Variants in RBMS3 observed in about 807,000 individuals in gnomAD.
RBMS3 encodes the protein RNA-binding motif, single-stranded-interacting protein 3.
In RBMS3, 27 loss-of-function variants were observed where a neutral mutation model predicts 66.8. The ratio of observed to expected loss-of-function variants is 0.40; its 90% confidence interval spans 0.30 to 0.56. The LOEUF is 0.56. Among genes scored for constraint, RBMS3 ranks in the 20% least tolerant of loss-of-function variants. The pLI, the probability that RBMS3 is intolerant of heterozygous loss-of-function variation, is 0.40. For synonymous variants in RBMS3, 188 were observed against 183.0 expected (o/e 1.03, Z -0.22); for missense variants, 513 against 549.5 (o/e 0.93, Z 0.66).
intron 2 of RBMS3, among the ~76,000 whole-genome samples, chr3:29,482,693 C>CTTTTTTTTTTTTTTTTT (rs1156893161): frequency 1.1e-5 from 1 of 91,748 alleles, no homozygotes; most frequent in African/African-American, 5.1e-5. Flanking sequence ...CATTTTCTTT[C>CTTTTTTTTTTTTTTTTT]TTTCTTTCTT....
At chr3:29,693,465 A>G (rs570425014) in intron 4 of RBMS3, among the ~76,000 whole-genome samples, 1 of 152,124 alleles carries the variant, frequency 6.6e-6, no homozygotes, top group Non-Finnish European at 1.5e-5. Context: ...AAACAGGGGG[A>G]TGGGAAAAGC....
chr3:29,895,986 A>G (rs989308733), intron 8 of RBMS3, among the ~76,000 whole-genome samples: 20 of 151,424 alleles, frequency 1.3e-4, no homozygotes, highest in African/African-American at 4.1e-4. Flanking sequence ...CGTCACAACT[A>G]TAAATTTAAG....
chr3:29,459,284 A>C (rs1284017276), intron 2 of RBMS3, among the ~76,000 whole-genome samples: 1 of 152,208 alleles, frequency 6.6e-6, no homozygotes, highest in Admixed American at 6.5e-5. Context: ...ATAGCATACG[A>C]TTTCATGATA....
intron 1 of RBMS3, among the ~76,000 whole-genome samples, chr3:29,400,669 C>G (rs1245172139): frequency 6.6e-6 from 1 of 151,868 alleles, no homozygotes. Context: ...ATTCTTAAAC[C>G]AGGTGGCATA....
chr3:29,505,421 A>G (rs1320626667), intron 3 of RBMS3, among the ~76,000 whole-genome samples: 1 of 151,008 alleles, frequency 6.6e-6, no homozygotes, highest in Non-Finnish European at 1.5e-5. Flanking sequence ...TCTATGTAAT[A>G]GTTTTTATGC....
At chr3:29,815,514 T>C (rs1336676030) in intron 6 of RBMS3, among the ~76,000 whole-genome samples, 1 of 152,086 alleles carries the variant, frequency 6.6e-6, no homozygotes, top group Non-Finnish European at 1.5e-5. Context: ...TTTTTTATAA[T>C]AGGGTTAAAA....
intron 11 of RBMS3, among the ~76,000 whole-genome samples, chr3:29,941,370 A>G (rs2061390300): frequency 6.9e-6 from 1 of 144,738 alleles, no homozygotes; most frequent in African/African-American, 2.4e-5. Context: ...ATTAAGACAG[A>G]GTTTTAAAAA....
chr3:29,785,361 C>T (rs184867005), intron 6 of RBMS3, among the ~76,000 whole-genome samples: 2 of 152,078 alleles, frequency 1.3e-5, no homozygotes, highest in East Asian at 1.9e-4. Context: ...GATGGTTTAA[C>T]GTATGCAATC....
intron 6 of RBMS3, among the ~76,000 whole-genome samples, chr3:29,807,129 G>C (rs1268340419): frequency 1.3e-5 from 2 of 151,782 alleles, no homozygotes; most frequent in Non-Finnish European, 1.5e-5. Context: ...GGCTGTAACA[G>C]GTTCAAAGGA....
At chr3:29,908,733 A>T (rs968884918) in intron 10 of RBMS3, among the ~76,000 whole-genome samples, 5 of 152,152 alleles carry the variant, frequency 3.3e-5, no homozygotes. Context: ...AATAATAAAA[A>T]CAAATATTCT....
chr3:29,592,139 T>A (rs905018727), intron 4 of RBMS3, among the ~76,000 whole-genome samples: 1 of 151,482 alleles, frequency 6.6e-6, no homozygotes, highest in African/African-American at 2.4e-5. Context: ...TATAAAAAGA[T>A]GAAAAGTCAA....
chr3:29,746,686 A>G (rs538354257), intron 5 of RBMS3, among the ~76,000 whole-genome samples: 2 of 152,248 alleles, frequency 1.3e-5, no homozygotes, highest in Admixed American at 1.3e-4. Flanking sequence ...TCTTTTTCAT[A>G]TATTCAGAGC....
intron 3 of RBMS3, among the ~76,000 whole-genome samples, chr3:29,565,841 C>A (rs936458807): frequency 1.3e-5 from 2 of 152,096 alleles, no homozygotes; most frequent in Non-Finnish European, 2.9e-5. Context: ...AAATGTTTTG[C>A]CCTTTTGTGC....
chr3:29,751,723 T>C (rs1385173565), intron 5 of RBMS3, among the ~76,000 whole-genome samples: 2 of 152,190 alleles, frequency 1.3e-5, no homozygotes, highest in African/African-American at 2.4e-5. Context: ...CTTGAGCTGG[T>C]TTTGAGACAG....
chr3:29,582,149 T>TATAGATAGATAGATAGATAG (rs3836342), intron 3 of RBMS3, among the ~76,000 whole-genome samples: 6 of 144,674 alleles, frequency 4.1e-5, no homozygotes, highest in Non-Finnish European at 6.1e-5. Context: ...AGAATTCCAT[T>TATAGATAGATAGATAGATAG]ATAGATAGAT....
rs141213096 is a variant in RBMS3 at position 29,575,342 on chromosome 3, A to AGGTG, written c.308-11769_308-11768insGGGT. On this transcript the variant is annotated intron_variant, in intron 3 of 14. Transcript: ENST00000383767. ...TCATGCCACTCTCTCCTGGCCTGTA[A>AGGTG]GGTTTCTACTGAAAAGTCTGTTACC... 6.8e-3 allele frequency among the ~76,000 whole-genome samples: 1,028 copies of AGGTG among 151,868 alleles called. 29 individuals are homozygous for AGGTG. The highest frequency in any genetic ancestry group is 0.054 in the Admixed American group (824 of 15,246).
At chr3:29,747,582 GA>G (rs1380486045) in intron 5 of RBMS3, among the ~76,000 whole-genome samples, 1 of 152,134 alleles carries the variant, frequency 6.6e-6, no homozygotes, top group Admixed American at 6.5e-5. Context: ...CTGGATTGGG[GA>G]TGATGCAGGA....
At chr3:29,817,192 C>CTTTTTCTTTTT (rs1553677830) in intron 6 of RBMS3, among the ~76,000 whole-genome samples, 3 of 127,200 alleles carry the variant, frequency 2.4e-5, no homozygotes, top group African/African-American at 9.5e-5. Flanking sequence ...ATTTTCTTTT[C>CTTTTTCTTTTT]TTTTTTTTTT....
intron 6 of RBMS3, among the ~76,000 whole-genome samples, chr3:29,834,876 A>T (rs1445524896): frequency 6.6e-6 from 1 of 152,016 alleles, no homozygotes; most frequent in Admixed American, 6.6e-5. Context: ...GCAACTAAAT[A>T]CTACTGTCCA....
Sources: gnomAD v4.1 joint callset for allele counts (sites outside exome capture counted in the v4.1 genomes callset) on GRCh38, gnomAD v4.1.1 for gene constraint, MANE v1.5 for transcripts, NCBI Gene and HGNC (gene_info 2026-07-23, HGNC 2026-07-21) for gene names.